Variants in KIF16B observed in about 807,000 individuals in gnomAD.
The protein encoded by KIF16B is kinesin family member 16B, also known as kinesin-like protein KIF16B.
A neutral mutation model predicts 156.3 loss-of-function variants in KIF16B; 98 were observed. That is an observed-to-expected ratio of 0.63 (90% CI 0.53 to 0.74). The LOEUF (loss-of-function observed/expected upper bound fraction) is 0.74, where lower values mean the gene tolerates loss of function less well. KIF16B is among the 30% of genes least tolerant of loss of function. The pLI is 0.00. For synonymous variants in KIF16B, 564 were observed against 583.7 expected, an observed-to-expected ratio of 0.97 and a Z score of 0.49; for missense variants, 1,421 against 1,606.5, an observed-to-expected ratio of 0.88 and a Z score of 1.97.
intron 15 of KIF16B, among the ~76,000 whole-genome samples, chr20:16,425,657 C>T (rs2066332548): frequency 6.6e-6 from 1 of 152,140 alleles, no homozygotes; most frequent in African/African-American, 2.4e-5. Context: ...GGAGGCCTGG[C>T]AGCTGCACCT....
intron 25 of KIF16B, among the ~76,000 whole-genome samples, chr20:16,290,532 T>G (rs1335031368): frequency 3.9e-5 from 6 of 152,214 alleles, no homozygotes; most frequent in East Asian, 3.8e-4. Flanking sequence ...CCAGGAGAGA[T>G]AACCTGCTGC....
intron 16 of KIF16B, among the ~76,000 whole-genome samples, chr20:16,405,666 T>C (rs1225603704): frequency 6.6e-6 from 1 of 152,166 alleles, no homozygotes; most frequent in South Asian, 2.1e-4. Context: ...GGAGAGTTGC[T>C]CTTGGTCTGT....
At chr20:16,517,866 A>C (rs971277933) in intron 3 of KIF16B, among the ~76,000 whole-genome samples, 1 of 152,230 alleles carries the variant, frequency 6.6e-6, no homozygotes, top group African/African-American at 2.4e-5. Context: ...TTTTCAAAGA[A>C]TAAAGAAGGA....
intron 3 of KIF16B, 39 bp from the exon 4 acceptor site, chr20:16,515,703 A>G (rs748816164): frequency 9.1e-7 from 1 of 1,101,594 alleles, no homozygotes; most frequent in Admixed American, 1.7e-5. Context: ...TACAATTATC[A>G]TAGATTTTAA....
At chr20:16,285,807 C>A (rs139608936) in intron 25 of KIF16B, among the ~76,000 whole-genome samples, 2 of 152,196 alleles carry the variant, frequency 1.3e-5, no homozygotes, top group East Asian at 3.9e-4. Flanking sequence ...GAGAGTGAGA[C>A]CCTGTCTCAA....
intron 23 of KIF16B, among the ~76,000 whole-genome samples, chr20:16,347,227 G>A (rs749630995): frequency 5.9e-5 from 9 of 152,184 alleles, no homozygotes; most frequent in Non-Finnish European, 1.2e-4. Context: ...AAAGGTAAGC[G>A]TATCCATGGG....
At chr20:16,453,360 C>T (rs1468509581) in intron 12 of KIF16B, among the ~76,000 whole-genome samples, 1 of 151,974 alleles carries the variant, frequency 6.6e-6, no homozygotes, top group East Asian at 1.9e-4. Flanking sequence ...ATAATTCAAA[C>T]TCCAGAAGCC....
rs748243407 is a variant in KIF16B at position 16,406,421 on chromosome 20, G to A, written c.1648C>T (p.Arg550Cys). The stretch of plus-strand genomic sequence containing the variant: ...GCGGCTTCCTTTGGATGGTTAAAGC[G>A]AAACATATTGGTTCTTCCCAAGAGA... ...VILLGRTNMF[R>C]FNHPKEAAKL... The change falls in exon 16 of 26, where the codon CGC becomes TGC. Residue 550 changes from arginine to cysteine, a missense_variant. Physicochemically the swap from Arg to Cys is radical, Grantham distance 180. Coordinates refer to ENST00000354981, the MANE Select transcript of KIF16B (RefSeq NM_024704.5). 1.9e-6 allele frequency: 3 copies of A among 1,613,460 alleles called. No individual in the cohort carries two copies. The highest frequency in any genetic ancestry group is 2.5e-6 in the Non-Finnish European group (3 of 1,179,598).
intron 17 of KIF16B, among the ~76,000 whole-genome samples, chr20:16,391,894 A>T (rs1285137021): frequency 2.6e-5 from 4 of 152,224 alleles, no homozygotes; most frequent in Admixed American, 2.6e-4. Context: ...GGCACAGAGT[A>T]GGTTTCAACC....
chr20:16,284,414 G>A (rs1171659310), intron 25 of KIF16B, among the ~76,000 whole-genome samples: 2 of 152,028 alleles, frequency 1.3e-5, no homozygotes, highest in Non-Finnish European at 2.9e-5. Flanking sequence ...TTTTTTCCTG[G>A]ACGTTGCCAG....
chr20:16,402,011 C>A (rs1011214186), intron 17 of KIF16B, among the ~76,000 whole-genome samples: 2 of 152,138 alleles, frequency 1.3e-5, no homozygotes, highest in Non-Finnish European at 2.9e-5. Flanking sequence ...ATTGCCAGCA[C>A]GGCCCTACAT....
At chr20:16,333,251 C>T (rs2063980554) in intron 24 of KIF16B, among the ~76,000 whole-genome samples, 1 of 152,126 alleles carries the variant, frequency 6.6e-6, no homozygotes, top group Admixed American at 6.5e-5. Context: ...GGCTCTTTCT[C>T]AGCATTCAGA....
At chr20:16,316,828 T>A (rs2063704806) in intron 24 of KIF16B, among the ~76,000 whole-genome samples, 2 of 152,124 alleles carry the variant, frequency 1.3e-5, no homozygotes, top group Admixed American at 1.3e-4. Flanking sequence ...TAAATAGTTT[T>A]AAAAAATGGA....
At chr20:16,280,965 C>T (rs569491315) in intron 25 of KIF16B, among the ~76,000 whole-genome samples, 1 of 152,030 alleles carries the variant, frequency 6.6e-6, no homozygotes, top group East Asian at 1.9e-4. Flanking sequence ...TTTTAATTAT[C>T]AGGGAGATAA....
At chr20:16,306,993 C>T (rs1234796861) in intron 25 of KIF16B, among the ~76,000 whole-genome samples, 2 of 152,092 alleles carry the variant, frequency 1.3e-5, no homozygotes, top group Non-Finnish European at 2.9e-5. Context: ...TGATCTGCTC[C>T]AAGGTCCACA....
chr20:16,395,966 C>CAAT (rs2065490226), intron 17 of KIF16B, among the ~76,000 whole-genome samples: 1 of 152,096 alleles, frequency 6.6e-6, no homozygotes, highest in Non-Finnish European at 1.5e-5. Context: ...ACTATATGTA[C>CAAT]TCTGGCCTGG....
intron 25 of KIF16B, among the ~76,000 whole-genome samples, chr20:16,297,118 A>G (rs1287557349): frequency 6.6e-6 from 1 of 152,156 alleles, no homozygotes; most frequent in Non-Finnish European, 1.5e-5. Flanking sequence ...GGGCCTTCCC[A>G]CTCAGATTGA....
At chr20:16,454,585 A>G (rs1157761260) in intron 12 of KIF16B, among the ~76,000 whole-genome samples, 1 of 152,060 alleles carries the variant, frequency 6.6e-6, no homozygotes, top group Non-Finnish European at 1.5e-5. Flanking sequence ...TTGAAACAGC[A>G]TCAGTAACAT....
At chr20:16,367,866 C>A (rs772391480) in intron 22 of KIF16B, 1 of 1,568,270 alleles carries the variant, frequency 6.4e-7, no homozygotes, top group Non-Finnish European at 8.6e-7. Context: ...ATACAGTGAG[C>A]AGAAGACCCT....
Sources: gnomAD v4.1 joint callset for allele counts (sites outside exome capture counted in the v4.1 genomes callset) on GRCh38, gnomAD v4.1.1 for gene constraint, MANE v1.5 for transcripts, NCBI Gene and HGNC (gene_info 2026-07-23, HGNC 2026-07-21) for gene names.